Variants in SLC9A2 observed in about 807,000 individuals in gnomAD.
SLC9A2 encodes solute carrier family 9 member A2, also known as sodium/hydrogen exchanger 2.
Under a neutral mutation model 71.7 loss-of-function variants are expected in SLC9A2, and 42 were observed. That is an observed-to-expected ratio of 0.59 (90% confidence interval 0.46 to 0.76). The LOEUF (loss-of-function observed/expected upper bound fraction) is 0.76, where lower values mean the gene tolerates loss of function less well. Ranked by LOEUF, SLC9A2 falls within the 30% of genes least tolerant of loss-of-function variation. The probability of loss-of-function intolerance (pLI) is 0.00; values close to 1 mark genes in which losing one functional copy is unlikely to be tolerated. For synonymous variants in SLC9A2, 396 were observed against 392.5 expected (o/e 1.01, Z -0.10); for missense variants, 829 against 1,017.4 (o/e 0.81, Z 2.52).
chr2:102,630,232 G>T (rs999918375), intron 1 of SLC9A2, among the ~76,000 whole-genome samples: 2 of 151,626 alleles, frequency 1.3e-5, no homozygotes, highest in South Asian at 2.1e-4. Flanking sequence ...ATTCTTTTTT[G>T]TTTGTTTTTG....
chr2:102,658,093 C>T (rs952160313), intron 2 of SLC9A2, 66 bp downstream of exon 2: 40 of 1,247,070 alleles, frequency 3.2e-5, no homozygotes, highest in Admixed American at 2.5e-4. Context: ...CAGTGGCTCT[C>T]TGCACCTCAA....
At chr2:102,638,696 TA>T (rs1317846005) in intron 1 of SLC9A2, among the ~76,000 whole-genome samples, 1 of 152,246 alleles carries the variant, frequency 6.6e-6, no homozygotes, top group Admixed American at 6.5e-5. Context: ...GCACTTTCTT[TA>T]AAAATGTGTC....
chr2:102,696,093 C>G (rs1395738037), intron 7 of SLC9A2, among the ~76,000 whole-genome samples: 1 of 151,850 alleles, frequency 6.6e-6, no homozygotes, highest in Non-Finnish European at 1.5e-5. Context: ...GGTACAGGAG[C>G]CAGCCCCCAC....
intron 1 of SLC9A2, among the ~76,000 whole-genome samples, chr2:102,646,768 A>ATATATATATATATATATATAT (rs1676731084): frequency 1.3e-4 from 17 of 132,960 alleles, no homozygotes; most frequent in African/African-American, 4.7e-4. Context: ...AACGATCCTA[A>ATATATATATATATATATATAT]ATATATATAT....
rs115317503 is a variant in SLC9A2, at chr2:102,693,641, C to T, written c.1426-773C>T. Among the ~76,000 whole-genome samples the T allele has an allele frequency of 7.1e-3, 1,075 of 152,332 alleles. 5 individuals carry two copies. The highest frequency in any genetic ancestry group is 0.014 in the Middle Eastern group (4 of 294). On this transcript the variant is annotated intron_variant, in intron 5 of 11. Coordinates refer to ENST00000233969, the MANE Select transcript of SLC9A2 (RefSeq NM_003048.6). ...CTGTGGTCTCCACTGGGATATGCTT[C>T]CAGCATCTCCACCACTGCCCACCAG...
intron 1 of SLC9A2, among the ~76,000 whole-genome samples, chr2:102,648,448 C>T (rs1453476736): frequency 6.6e-6 from 1 of 152,164 alleles, no homozygotes; most frequent in Non-Finnish European, 1.5e-5. Flanking sequence ...CAAGGATGCC[C>T]TCTCTCGCCA....
intron 3 of SLC9A2, among the ~76,000 whole-genome samples, chr2:102,678,909 G>C (rs1677394057): frequency 1.3e-5 from 2 of 152,150 alleles, no homozygotes; most frequent in Admixed American, 6.5e-5. Context: ...CTAGTGGAAG[G>C]GAGACTAGCT....
intron 7 of SLC9A2, among the ~76,000 whole-genome samples, chr2:102,700,822 T>C (rs1033682861): frequency 6.6e-6 from 1 of 152,058 alleles, no homozygotes; most frequent in African/African-American, 2.4e-5. Context: ...TATGTGTATG[T>C]GTATGTATAT....
chr2:102,621,354 A>G (rs1573392481), intron 1 of SLC9A2, among the ~76,000 whole-genome samples: 2 of 141,382 alleles, frequency 1.4e-5, no homozygotes, highest in South Asian at 2.2e-4. Context: ...GTCTCAGGGA[A>G]AAAAAAAAAA....
At chr2:102,641,791 A>C (rs1394010017) in intron 1 of SLC9A2, among the ~76,000 whole-genome samples, 4 of 150,820 alleles carry the variant, frequency 2.7e-5, no homozygotes, top group African/African-American at 9.7e-5. Context: ...AATACCTGTA[A>C]GTTAGGACAG....
chr2:102,704,478 T>C, intron 9 of SLC9A2, 66 bp from the exon 10 acceptor site: 8 of 1,521,272 alleles, frequency 5.3e-6, no homozygotes, highest in Non-Finnish European at 7.2e-6. Context: ...AGTCTTGGAA[T>C]TTCTGGGGGA....
rs1434833863 is a variant in SLC9A2, at chr2:102,657,700, C to T, written c.426C>T (p.Phe142=). ...CTGCAATGAAGACTGATGTATTTTT[C>T]TTGTACCTCCTCCCACCCATCGTGC... ...SPPAMKTDVF[F]LYLLPPIVLD... is the part of the protein sequence containing the mutation. Residue 142 remains phenylalanine (F), a synonymous_variant, in exon 2 of 12, where the codon TTC becomes TTT. Coordinates refer to ENST00000233969, the MANE Select transcript of SLC9A2 (RefSeq NM_003048.6). The T allele has an allele frequency of 6.2e-7, 1 of 1,614,050 alleles. No individual in the cohort carries two copies. Among genetic ancestry groups the T allele is most frequent in the African/African-American group, 1.3e-5 (1 of 74,924 alleles).
rs558128782 is a variant in SLC9A2 at position 102,634,611 on chromosome 2, G to T, written c.289+14474G>T. ...CCATTTGCTCCATAGCAAGTTGTTAGACGTCCTGATCTTCTGCCATTGCTG... is the reference window on the plus strand; with the variant it reads ...CCATTTGCTCCATAGCAAGTTGTTATACGTCCTGATCTTCTGCCATTGCTG... On this transcript the variant is annotated intron_variant, in intron 1 of 11. Coordinates refer to ENST00000233969, the MANE Select transcript of SLC9A2 (RefSeq NM_003048.6). 4.6e-5 allele frequency among the ~76,000 whole-genome samples: 7 copies of T among 152,286 alleles called. No individual in the cohort carries two copies. The East Asian group carries it at 1.3e-3, about 29-fold the overall frequency.
intron 3 of SLC9A2, among the ~76,000 whole-genome samples, chr2:102,678,134 G>A (rs187043308): frequency 6.8e-4 from 103 of 152,058 alleles, no homozygotes; most frequent in African/African-American, 2.3e-3. Flanking sequence ...ATTCTAGCAC[G>A]TACAGTGTTG....
chr2:102,637,654 G>T (rs1185038855), intron 1 of SLC9A2, among the ~76,000 whole-genome samples: 1 of 152,170 alleles, frequency 6.6e-6, no homozygotes, highest in Non-Finnish European at 1.5e-5. Context: ...AGCTCTGTGT[G>T]CTGTACTGGA....
At chr2:102,703,485 C>G (rs1052273720) in intron 9 of SLC9A2, among the ~76,000 whole-genome samples, 1 of 152,170 alleles carries the variant, frequency 6.6e-6, no homozygotes, top group Non-Finnish European at 1.5e-5. Flanking sequence ...GCTCCCCCAA[C>G]AGCCACCATA....
chr2:102,705,035 C>G (rs904106469), intron 10 of SLC9A2, among the ~76,000 whole-genome samples: 3 of 151,920 alleles, frequency 2.0e-5, no homozygotes, highest in Non-Finnish European at 4.4e-5. Flanking sequence ...AACCCCATCT[C>G]TACTAAAATA....
intron 3 of SLC9A2, among the ~76,000 whole-genome samples, chr2:102,666,344 C>T (rs1391692853): frequency 6.6e-6 from 1 of 151,948 alleles, no homozygotes. Flanking sequence ...TGCAGGCGCC[C>T]GCCACCACAC....
chr2:102,695,184 G>A (rs959225836), intron 7 of SLC9A2, 71 bp downstream of exon 7: 1 of 1,074,150 alleles, frequency 9.3e-7, no homozygotes, highest in African/African-American at 1.6e-5. Context: ...TTACTGATTT[G>A]TATTATTTTT....
Sources: gnomAD v4.1 joint callset for allele counts (sites outside exome capture counted in the v4.1 genomes callset) on GRCh38, gnomAD v4.1.1 for gene constraint, MANE v1.5 for transcripts, NCBI Gene and HGNC (gene_info 2026-07-23, HGNC 2026-07-21) for gene names.